The following STT3B variants were observed in gnomAD, a reference collection of about 807,000 sequenced individuals.
STT3B encodes the protein STT3 oligosaccharyltransferase complex catalytic subunit B.
In STT3B, 29 loss-of-function variants were observed where a neutral mutation model predicts 96.8. The ratio of observed to expected loss-of-function variants is 0.30; its 90% CI spans 0.22 to 0.41. STT3B has a LOEUF of 0.41. Among genes scored for constraint, STT3B ranks in the 10% least tolerant of loss-of-function variants. The pLI is 1.00. For synonymous variants in STT3B, 367 were observed against 360.0 expected (o/e 1.02, Z -0.22); for missense variants, 640 against 1,022.3 (o/e 0.63, Z 5.10).
intron 1 of STT3B, among the ~76,000 whole-genome samples, chr3:31,541,856 G>A (rs531145608): frequency 2.6e-5 from 4 of 152,272 alleles, no homozygotes; most frequent in African/African-American, 7.2e-5. Context: ...GATTACAGGC[G>A]TGAGCCACCA....
chr3:31,623,928 A>G, intron 11 of STT3B, 67 bp downstream of exon 11: 2 of 1,296,420 alleles, frequency 1.5e-6, no homozygotes, highest in South Asian at 1.6e-5. Flanking sequence ...CTCAAAGGAT[A>G]TAATTAAAAA....
At chr3:31,592,674 A>G (rs563149265) in intron 3 of STT3B, among the ~76,000 whole-genome samples, 100 of 152,192 alleles carry the variant, frequency 6.6e-4, no homozygotes, top group African/African-American at 2.4e-3. Context: ...GTAGTTCCCT[A>G]ATGAGTAGTA....
intron 3 of STT3B, among the ~76,000 whole-genome samples, chr3:31,595,419 C>T (rs1442601900): frequency 6.6e-6 from 1 of 152,062 alleles, no homozygotes; most frequent in Non-Finnish European, 1.5e-5. Context: ...TGTTGTTTTC[C>T]CCTTTTCGTT....
At chr3:31,602,516 T>TATC (rs1205592087) in intron 5 of STT3B, among the ~76,000 whole-genome samples, 1 of 152,102 alleles carries the variant, frequency 6.6e-6, no homozygotes. Context: ...AGTAGTCAAA[T>TATC]AAGTATATTG....
intron 5 of STT3B, among the ~76,000 whole-genome samples, chr3:31,613,775 G>A (rs1270498336): frequency 3.9e-5 from 6 of 151,910 alleles, no homozygotes; most frequent in Non-Finnish European, 8.8e-5. Context: ...TCATGTGACG[G>A]GGAAATTTTT....
rs372021397 is a variant in STT3B at position 31,532,986 on chromosome 3, G to A, written c.-13G>A. 4 of 1,584,338 alleles carry A rather than the reference G, an allele frequency of 2.5e-6. No individual in the cohort carries two copies. The highest frequency in any genetic ancestry group is 3.4e-6 in the Non-Finnish European group (4 of 1,167,164). ...GCGGAGGAGGAGAGCTAGACCCGCC[G>A]CCGGGGCACAACATGGCGGAGCCCT... On this transcript the variant is annotated 5_prime_UTR_variant, in exon 1 of 16. Transcript: ENST00000295770.
At chr3:31,582,979 A>G (rs1233859678) in intron 3 of STT3B, among the ~76,000 whole-genome samples, 1 of 152,186 alleles carries the variant, frequency 6.6e-6, no homozygotes. Context: ...GTCCTGGAAA[A>G]TGTCCCATGT....
intron 14 of STT3B, among the ~76,000 whole-genome samples, chr3:31,632,217 A>G (rs1699677346): frequency 6.6e-6 from 1 of 152,056 alleles, no homozygotes; most frequent in Non-Finnish European, 1.5e-5. Flanking sequence ...TCCCTCATAA[A>G]TCCTTTCACG....
rs1415195143 is a variant in STT3B, at chr3:31,618,230, T to C, written c.1172+242T>C. ...CTGCATGGGCAACTCCTTGTTTCCG[T>C]TTTGTTTGTAAGAATATTTAGGTTA... is the stretch of plus-strand genomic sequence containing the variant. On this transcript the variant is annotated intron_variant, in intron 8 of 15. Coordinates refer to ENST00000295770, the MANE Select transcript of STT3B (RefSeq NM_178862.3). 2.6e-5 allele frequency among the ~76,000 whole-genome samples: 4 copies of C among 152,132 alleles called. No homozygotes were observed. The East Asian group carries it at 5.8e-4, about 22-fold the overall frequency.
At chr3:31,561,452 AT>A (rs1466754439) in intron 1 of STT3B, among the ~76,000 whole-genome samples, 1 of 152,060 alleles carries the variant, frequency 6.6e-6, no homozygotes, top group Non-Finnish European at 1.5e-5. Context: ...TTTTTTTAAA[AT>A]ATACAGTTAG....
intron 1 of STT3B, among the ~76,000 whole-genome samples, chr3:31,542,063 CTTTGT>C (rs1041876191): frequency 1.3e-5 from 2 of 152,154 alleles, no homozygotes; most frequent in Non-Finnish European, 1.5e-5. Context: ...ACTTTGACAA[CTTTGT>C]TTTAAGGTAC....
At chr3:31,569,073 G>A (rs114757921) in intron 1 of STT3B, among the ~76,000 whole-genome samples, 368 of 152,182 alleles carry the variant, frequency 2.4e-3, no homozygotes, top group African/African-American at 8.2e-3. Flanking sequence ...ACAGTGGTGC[G>A]ATTATAGCTC....
chr3:31,552,668 C>A (rs1392443762), intron 1 of STT3B, among the ~76,000 whole-genome samples: 1 of 152,104 alleles, frequency 6.6e-6, no homozygotes, highest in African/African-American at 2.4e-5. Flanking sequence ...TGCCTTTTTG[C>A]TCAATAATTC....
chr3:31,556,577 A>G (rs1182239451), intron 1 of STT3B, among the ~76,000 whole-genome samples: 5 of 152,180 alleles, frequency 3.3e-5, no homozygotes, highest in Non-Finnish European at 7.4e-5. Flanking sequence ...GTCTTTTTCA[A>G]TAATAGCCAT....
At chr3:31,634,019 G>T (rs1374966253) in intron 15 of STT3B, among the ~76,000 whole-genome samples, 1 of 152,024 alleles carries the variant, frequency 6.6e-6, no homozygotes, top group African/African-American at 2.4e-5. Context: ...AAATACAGAT[G>T]ATTTTAATTT....
chr3:31,634,678 T>C (rs1374088162), intron 15 of STT3B, among the ~76,000 whole-genome samples: 2 of 152,174 alleles, frequency 1.3e-5, no homozygotes, highest in South Asian at 2.1e-4. Context: ...GCACTAGAAA[T>C]TGTAGTCCAG....
At chr3:31,614,993 G>A in intron 5 of STT3B, 112 bp from the exon 6 acceptor site, 1 of 553,352 alleles carries the variant, frequency 1.8e-6, no homozygotes. Context: ...TCAAGATTCT[G>A]TTCTTAAATT....
rs866577504 is a variant in STT3B, at chr3:31,538,054, C to T, written c.314+4742C>T. Among the ~76,000 whole-genome samples, 4 of 152,034 alleles carry T rather than the reference C, an allele frequency of 2.6e-5. No individual in the cohort carries two copies. In the South Asian group the frequency reaches 6.2e-4, roughly 24 times the overall value. ...ATAAAGACCCCACAATTCAACAGAC[C>T]TATTGCTAAACTATTATAAAAATTT... On this transcript the variant is annotated intron_variant, in intron 1 of 15. Coordinates refer to ENST00000295770, the MANE Select transcript of STT3B (RefSeq NM_178862.3).
rs369757487 is a variant in STT3B, at chr3:31,588,337, A to G, written c.711+8241A>G. ...GTTTTACCCTTAAAATATTTGTCTC[A>G]AATATTTATTTCTTTTAAATCAGTT... On this transcript the variant is annotated intron_variant, in intron 3 of 15. Transcript: ENST00000295770. Among the ~76,000 whole-genome samples the G allele has an allele frequency of 2.9e-4, 44 of 152,160 alleles. No individual in the cohort carries two copies. The East Asian group carries it at 5.6e-3, about 19-fold the overall frequency.
Sources: allele counts gnomAD v4.1 joint callset (sites outside exome capture counted in the v4.1 genomes callset), GRCh38; gene constraint gnomAD v4.1.1; transcripts MANE v1.5; gene names NCBI Gene and HGNC (gene_info 2026-07-23, HGNC 2026-07-21).